CILK1: variants seen among roughly 807,000 people sequenced by gnomAD.
CILK1 encodes the protein ciliogenesis associated kinase 1.
CILK1 carries 47 observed loss-of-function variants against 79.2 expected under a neutral mutation model. The ratio of observed to expected loss-of-function variants is 0.59; its 90% CI spans 0.47 to 0.76. CILK1 has a LOEUF of 0.76. Ranked by LOEUF, CILK1 falls within the 30% of genes least tolerant of loss-of-function variation. The pLI is 0.00. For missense variants in CILK1, 660 were observed against 769.5 expected, an observed-to-expected ratio of 0.86 and a Z score of 1.68; for synonymous variants, 266 against 275.9, an observed-to-expected ratio of 0.96 and a Z score of 0.36.
intron 5 of CILK1, among the ~76,000 whole-genome samples, chr6:53,024,346 G>T (rs1765434458): frequency 6.6e-6 from 1 of 152,180 alleles, no homozygotes; most frequent in Non-Finnish European, 1.5e-5. Flanking sequence ...TAAAATGAAT[G>T]AAAAGATTTC....
rs11399655 is a variant in CILK1 at position 53,024,833 on chromosome 6, C to CTT, written c.359-5476_359-5475dup. Reference sequence around the variant, plus strand: ...TCCCTTTCAATCCATATAGCTAAATCTTTTTTTTTTTTTTTTGTAAGACAG... The same window carrying CTT: ...TCCCTTTCAATCCATATAGCTAAATCTTTTTTTTTTTTTTTTTTGTAAGACAG... On this transcript the variant is annotated intron_variant, in intron 5 of 13. Transcript: ENST00000676107. Among the ~76,000 whole-genome samples, 848 of 133,866 alleles carry CTT rather than the reference C, an allele frequency of 6.3e-3. 22 individuals are homozygous for CTT. The highest frequency in any genetic ancestry group is 0.02 in the East Asian group (90 of 4,596). The allele number at this position is 133,866 out of a possible 152,430, so 87.8% of individuals were successfully genotyped here.
chr6:53,036,392 G>A (rs925142160), intron 3 of CILK1, among the ~76,000 whole-genome samples: 1 of 152,046 alleles, frequency 6.6e-6, no homozygotes, highest in Non-Finnish European at 1.5e-5. Context: ...ACATGTTTTT[G>A]TATAGTCCAC....
At chr6:53,007,064 C>T (rs552055697) in intron 12 of CILK1, among the ~76,000 whole-genome samples, 1 of 152,280 alleles carries the variant, frequency 6.6e-6, no homozygotes, top group South Asian at 2.1e-4. Context: ...AACAGAATGC[C>T]TTGCATATAG....
At chr6:53,017,370 G>A (rs1299539065) in intron 7 of CILK1, among the ~76,000 whole-genome samples, 1 of 152,222 alleles carries the variant, frequency 6.6e-6, no homozygotes, top group Non-Finnish European at 1.5e-5. Flanking sequence ...ATGGGGAGGA[G>A]ATTAGAGAAA....
Position 53,009,489 on chromosome 6 carries a change from A to G in CILK1, c.1571T>C (p.Leu524Ser), listed in dbSNP as rs960047608. 1 of 1,613,770 alleles carries G rather than the reference A, an allele frequency of 6.2e-7. No individual in the cohort carries two copies. The highest frequency in any genetic ancestry group is 8.5e-7 in the Non-Finnish European group (1 of 1,179,606). ...IPPNPWSSSG[L>S]SGKSSGTMSV... ...CATTGTCCCTGAAGATTTTCCAGAC[A>G]AGCCAGAACTAGACCATGGATTAGG... Residue 524 changes from leucine to serine, a missense_variant, in exon 12 of 14, where the codon TTG becomes TCG. Coordinates refer to ENST00000676107, the MANE Select transcript of CILK1 (RefSeq NM_014920.5).
At chr6:53,012,297 A>G in intron 9 of CILK1, 70 bp from the exon 10 acceptor site, 1 of 1,427,780 alleles carries the variant, frequency 7.0e-7, no homozygotes, top group South Asian at 1.2e-5. Context: ...AGTAATCTCC[A>G]TCTGAACTTT....
rs1487860212 is a variant in CILK1 at position 53,008,397 on chromosome 6, C to T, written c.1621+1042G>A. Among the ~76,000 whole-genome samples the T allele has an allele frequency of 5.3e-5, 8 of 151,464 alleles. 1 individual carries two copies. The highest frequency in any genetic ancestry group is 5.3e-4 in the Admixed American group (8 of 15,188). On this transcript the variant is annotated intron_variant, in intron 12 of 13. Coordinates refer to ENST00000676107, the MANE Select transcript of CILK1 (RefSeq NM_014920.5). ...CAGGGAGGCGGGAAAGGCACAGACA[C>T]TGGGCTTCATGTGTATTTGCCAAGT...
At chr6:53,007,884 G>A (rs1764321831) in intron 12 of CILK1, among the ~76,000 whole-genome samples, 1 of 151,806 alleles carries the variant, frequency 6.6e-6, no homozygotes, top group African/African-American at 2.4e-5. Flanking sequence ...AGGTTGCAGT[G>A]AGCCGAGATC....
rs760426086 is a variant in CILK1, at chr6:53,019,357, A to G, written c.361T>C (p.Phe121Leu). 1.2e-6 allele frequency: 2 copies of G among 1,614,090 alleles called. No individual in the cohort carries two copies. The highest frequency in any genetic ancestry group is 2.2e-5 in the East Asian group (1 of 44,860). ...QGLAFIHKHG[F>L]FHRDLKPENL... is the part of the protein sequence containing the mutation. ...TCAGGCTTTAAGTCTCGATGAAAGA[A>G]GCCTATAGAGACAGTAGAGGAGAAG... The change falls in exon 6 of 14, where the codon TTC becomes CTC. Residue 121 changes from phenylalanine (F) to leucine (L), a missense_variant and splice_region_variant. Physicochemically the swap from Phe to Leu is conservative, Grantham distance 22 (BLOSUM62 0). Coordinates refer to ENST00000676107, the MANE Select transcript of CILK1 (RefSeq NM_014920.5).
chr6:53,033,118 G>A (rs137977454), intron 3 of CILK1, among the ~76,000 whole-genome samples: 2,344 of 152,296 alleles, frequency 0.015, 40 homozygotes, highest in East Asian at 0.062. Context: ...AGGGTTGATG[G>A]CCTGCTTCTC....
intron 9 of CILK1, 103 bp from the exon 10 acceptor site, chr6:53,012,330 C>A: frequency 9.6e-7 from 1 of 1,044,938 alleles, no homozygotes; most frequent in Non-Finnish European, 1.5e-6. Flanking sequence ...AAGGAGGCTC[C>A]TGGGGCATAA....
chr6:53,008,296 C>T (rs1764355009), intron 12 of CILK1, among the ~76,000 whole-genome samples: 2 of 151,964 alleles, frequency 1.3e-5, no homozygotes, highest in South Asian at 4.2e-4. Flanking sequence ...TTAAAACCTG[C>T]AAAACCACAC....
intron 1 of CILK1, among the ~76,000 whole-genome samples, chr6:53,056,260 T>G (rs1183816072): frequency 6.6e-6 from 1 of 152,188 alleles, no homozygotes; most frequent in African/African-American, 2.4e-5. Flanking sequence ...CTAGCATGTA[T>G]ACAAAAAATC....
At chr6:53,057,180 C>G (rs1329128615) in intron 1 of CILK1, among the ~76,000 whole-genome samples, 2 of 152,176 alleles carry the variant, frequency 1.3e-5, no homozygotes, top group Non-Finnish European at 2.9e-5. Context: ...TACAATAGTA[C>G]TTTCCTTTCC....
chr6:53,053,052 G>GAA lies in CILK1; in HGVS notation c.-173+8542_-173+8543dup, dbSNP rs11413920. Among the ~76,000 whole-genome samples the GAA allele has an allele frequency of 8.2e-3, 1,176 of 142,836 alleles. 9 individuals carry two copies. Among genetic ancestry groups the GAA allele is most frequent in the African/African-American group, 0.021 (829 of 38,600 alleles). 93.7% of individuals were successfully genotyped at this position (142,836 alleles called of 152,430 possible). A position where few individuals can be genotyped will look rare whatever the true frequency, so the allele number is the denominator to read the frequency against. ...AACAAAAGTGACAAAGTAAAAGCCT[G>GAA]AAAAAAAAAAAAACCTTATACTTAA... On this transcript the variant is annotated intron_variant, in intron 1 of 13. Coordinates refer to ENST00000676107, the MANE Select transcript of CILK1 (RefSeq NM_014920.5).
chr6:53,012,042 G>A lies in CILK1; in HGVS notation c.1338C>T (p.Leu446=). Residue 446 remains leucine, a synonymous_variant, in exon 10 of 14, where the codon CTC becomes CTT. Coordinates refer to ENST00000676107, the MANE Select transcript of CILK1 (RefSeq NM_014920.5). ...AATGTGAGCAGCACACTTGCCTGCAGAGAGTGTCATCACTCTGTCTTTTCT... is the reference window on the plus strand; with the variant it reads ...AATGTGAGCAGCACACTTGCCTGCAAAGAGTGTCATCACTCTGTCTTTTCT... ...KNKKRQSDDT[L]CRFESVLDLK... 1 of 1,614,018 alleles carries A rather than the reference G, an allele frequency of 6.2e-7. No homozygotes were observed. The highest frequency in any genetic ancestry group is 8.5e-7 in the Non-Finnish European group (1 of 1,179,840).
chr6:53,034,899 G>C (rs546061563), intron 3 of CILK1, among the ~76,000 whole-genome samples: 1 of 152,166 alleles, frequency 6.6e-6, no homozygotes, highest in Non-Finnish European at 1.5e-5. Flanking sequence ...AGCTTGCTGG[G>C]AGGGAGCGGG....
intron 1 of CILK1, among the ~76,000 whole-genome samples, chr6:53,051,186 A>G (rs574556611): frequency 6.6e-6 from 1 of 152,342 alleles, no homozygotes; most frequent in Admixed American, 6.5e-5. Flanking sequence ...CTGGGCCACC[A>G]ATTTCTAAAC....
intron 5 of CILK1, among the ~76,000 whole-genome samples, chr6:53,019,825 T>C (rs560372940): frequency 1.5e-5 from 2 of 133,240 alleles, no homozygotes; most frequent in East Asian, 2.0e-4. Context: ...GCCTGGCTAG[T>C]TTTTTTGTTT....
Sources: gnomAD v4.1 joint callset for allele counts (sites outside exome capture counted in the v4.1 genomes callset) on GRCh38, gnomAD v4.1.1 for gene constraint, MANE v1.5 for transcripts, NCBI Gene and HGNC (gene_info 2026-07-23, HGNC 2026-07-21) for gene names.